PALLD: variants seen among roughly 807,000 people sequenced by gnomAD.
The protein encoded by PALLD is palladin, cytoskeletal associated protein.
A neutral mutation model predicts 123.5 loss-of-function variants in PALLD; 61 were observed. That is an observed-to-expected ratio of 0.49 (90% CI 0.40 to 0.61). The LOEUF (loss-of-function observed/expected upper bound fraction) is 0.61, where lower values mean the gene tolerates loss of function less well. Among genes scored for constraint, PALLD ranks in the 20% least tolerant of loss-of-function variants. The probability of loss-of-function intolerance (pLI) is 0.00; values close to 1 mark genes in which losing one functional copy is unlikely to be tolerated. For synonymous variants in PALLD, 465 were observed against 496.4 expected (o/e 0.94, Z 0.84); for missense variants, 1,273 against 1,377.0 (o/e 0.92, Z 1.20).
intron 2 of PALLD, among the ~76,000 whole-genome samples, chr4:168,624,351 T>C (rs1775040170): frequency 1.3e-5 from 2 of 152,078 alleles, no homozygotes; most frequent in South Asian, 4.1e-4. Flanking sequence ...TTTCCAAAGA[T>C]ACCAAAAAGA....
intron 2 of PALLD, among the ~76,000 whole-genome samples, chr4:168,533,657 G>A (rs1365744974): frequency 2.6e-5 from 4 of 152,166 alleles, no homozygotes; most frequent in Admixed American, 2.0e-4. Context: ...GTCTGAAATG[G>A]GGGCTGGAGC....
intron 2 of PALLD, among the ~76,000 whole-genome samples, chr4:168,644,446 C>A (rs1398465485): frequency 6.6e-6 from 1 of 152,150 alleles, no homozygotes; most frequent in Non-Finnish European, 1.5e-5. Context: ...AGGGGTTAAA[C>A]AGACCATATC....
chr4:168,515,430 A>T (rs1329258303), intron 2 of PALLD, among the ~76,000 whole-genome samples: 1 of 152,202 alleles, frequency 6.6e-6, no homozygotes, highest in African/African-American at 2.4e-5. Context: ...CTGAGGTCAC[A>T]GAAGCAGTTG....
At chr4:168,807,041 C>T (rs114474239) in intron 10 of PALLD, among the ~76,000 whole-genome samples, 3,152 of 152,016 alleles carry the variant, frequency 0.021, 117 homozygotes, top group African/African-American at 0.07. Context: ...CGGTGCCTAA[C>T]CACAACACTT....
In PALLD at chr4:168,746,638, C is replaced by T. The variant is rs115637945; in HGVS notation, c.1964+34715C>T. Among the ~76,000 whole-genome samples, 764 of 152,002 alleles carry T rather than the reference C, an allele frequency of 5.0e-3. 5 individuals carry two copies. The highest frequency in any genetic ancestry group is 0.017 in the African/African-American group (697 of 41,456). On this transcript the variant is annotated intron_variant, in intron 10 of 21. Coordinates refer to ENST00000505667, the MANE Select transcript of PALLD (RefSeq NM_001166108.2). ...TACTGTACCAATTTTCTTCCCTGGG[C>T]GGAAAAAATTATGAACCATGGTTCT...
intron 10 of PALLD, among the ~76,000 whole-genome samples, chr4:168,750,958 C>T (rs1300334958): frequency 2.6e-5 from 4 of 151,266 alleles, no homozygotes. Context: ...ACAGATGTTA[C>T]ATTCATGAGA....
At chr4:168,925,327 C>A in intron 21 of PALLD, 49 bp downstream of exon 21, 1 of 1,376,600 alleles carries the variant, frequency 7.3e-7, no homozygotes, top group Admixed American at 1.7e-5. Context: ...ATGTTGATTT[C>A]TCTTACATTG....
intron 10 of PALLD, among the ~76,000 whole-genome samples, chr4:168,779,573 A>G (rs1735616769): frequency 6.6e-6 from 1 of 151,862 alleles, no homozygotes. Flanking sequence ...TATAAATTCT[A>G]AGATAGTCAT....
intron 2 of PALLD, among the ~76,000 whole-genome samples, chr4:168,588,164 T>C (rs1771033419): frequency 6.6e-6 from 1 of 152,086 alleles, no homozygotes; most frequent in Non-Finnish European, 1.5e-5. Context: ...TCTTCTCCCT[T>C]GACCCCATTC....
At chr4:168,881,074 T>C (rs937285573) in intron 10 of PALLD, among the ~76,000 whole-genome samples, 2 of 152,102 alleles carry the variant, frequency 1.3e-5, no homozygotes, top group Admixed American at 1.3e-4. Context: ...CCGTCTAGTT[T>C]TTGTATTTTT....
In PALLD at chr4:168,563,972, C is replaced by T. The variant is rs571884993; in HGVS notation, c.908+51560C>T. On this transcript the variant is annotated intron_variant, in intron 2 of 21. Transcript: ENST00000505667. ...GGGTATCCATCACTCAGATAATACA[C>T]CTCGTACCCATTAAGTAGTCTGCCT... 3.9e-5 allele frequency among the ~76,000 whole-genome samples: 6 copies of T among 152,276 alleles called. 1 individual carries two copies. Among genetic ancestry groups the T allele is most frequent in the South Asian group, 4.1e-4 (2 of 4,822 alleles).
At chr4:168,715,616 C>G (rs1041911685) in intron 10 of PALLD, among the ~76,000 whole-genome samples, 1 of 152,122 alleles carries the variant, frequency 6.6e-6, no homozygotes, top group Non-Finnish European at 1.5e-5. Context: ...AGGTAGGGCT[C>G]ACTGTGAAAA....
intron 6 of PALLD, 102 bp downstream of exon 6, chr4:168,685,661 T>A: frequency 1.2e-6 from 1 of 815,032 alleles, no homozygotes; most frequent in South Asian, 1.3e-5. Context: ...AAGGAACAGA[T>A]TAGTAGGCTG....
chr4:168,570,727 T>C lies in PALLD; in HGVS notation c.908+58315T>C, dbSNP rs141363281. Reference sequence around the variant, plus strand: ...AAAGCAATAAGGCTAGAGGGACATTTTTTTATAGTCATATTATGGAAATAC... The same window carrying C: ...AAAGCAATAAGGCTAGAGGGACATTCTTTTATAGTCATATTATGGAAATAC... On this transcript the variant is annotated intron_variant, in intron 2 of 21. Coordinates refer to ENST00000505667, the MANE Select transcript of PALLD (RefSeq NM_001166108.2). Among the ~76,000 whole-genome samples the C allele has an allele frequency of 4.1e-4, 62 of 152,284 alleles. 1 individual carries two copies. The highest frequency in any genetic ancestry group is 1.4e-3 in the African/African-American group (58 of 41,572).
intron 13 of PALLD, among the ~76,000 whole-genome samples, chr4:168,897,171 C>T (rs966293807): frequency 6.6e-6 from 1 of 152,050 alleles, no homozygotes; most frequent in Admixed American, 6.6e-5. Context: ...ATACTCTGAA[C>T]ATTAAATCAA....
chr4:168,691,018 A>G (rs183361401), intron 7 of PALLD, among the ~76,000 whole-genome samples: 1 of 152,360 alleles, frequency 6.6e-6, no homozygotes, highest in Admixed American at 6.5e-5. Flanking sequence ...CCAGGCTCCT[A>G]GAGCCCATCT....
At chr4:168,746,294 TGGCGTGAACCCGGGA>T (rs1372628207) in intron 10 of PALLD, among the ~76,000 whole-genome samples, 1 of 142,474 alleles carries the variant, frequency 7.0e-6, no homozygotes, top group Non-Finnish European at 1.5e-5. Flanking sequence ...GGCAGGAGAA[TGGCGTGAACCCGGGA>T]GGCGGAGCTG....
Position 168,926,635 on chromosome 4 carries a change from T to C in PALLD, c.*455T>C, listed in dbSNP as rs1245098569. Reference sequence around the variant, plus strand: ...TTTAAAACTTTGGAATTGCTGTGATTAAAGTGATCAAAATGCCAAAATACT... The same window carrying C: ...TTTAAAACTTTGGAATTGCTGTGATCAAAGTGATCAAAATGCCAAAATACT... On this transcript the variant is annotated 3_prime_UTR_variant, in exon 22 of 22. Transcript: ENST00000505667. The C allele has an allele frequency of 7.6e-6, 3 of 397,062 alleles. No individual in the cohort carries two copies. The East Asian group carries it at 1.2e-4, about 16-fold the overall frequency. The allele number at this position is 397,062 out of a possible 1,614,324, so 24.6% of individuals were successfully genotyped here.
chr4:168,655,239 G>A (rs1487184492), intron 2 of PALLD, among the ~76,000 whole-genome samples: 2 of 152,194 alleles, frequency 1.3e-5, no homozygotes, highest in African/African-American at 2.4e-5. Context: ...ATAAGAACAA[G>A]GGAAAAGCAT....
Sources: allele counts gnomAD v4.1 joint callset (sites outside exome capture counted in the v4.1 genomes callset), GRCh38; gene constraint gnomAD v4.1.1; transcripts MANE v1.5; gene names NCBI Gene and HGNC (gene_info 2026-07-23, HGNC 2026-07-21).